Variants in CRAT observed in about 807,000 individuals in gnomAD.
The protein encoded by CRAT is carnitine O-acetyltransferase, also known as carnitine acetylase.
A neutral mutation model predicts 73.7 loss-of-function variants in CRAT; 66 were observed. The observed-to-expected ratio is 0.90, with a 90% CI of 0.73 to 1.10. The LOEUF (loss-of-function observed/expected upper bound fraction) is 1.10, where lower values mean the gene tolerates loss of function less well. CRAT is among the 50% of genes least tolerant of loss of function. The pLI, the probability that CRAT is intolerant of heterozygous loss-of-function variation, is 0.00. For synonymous variants in CRAT, 321 were observed against 343.2 expected, an observed-to-expected ratio of 0.94 and a Z score of 0.71; for missense variants, 745 against 846.9, an observed-to-expected ratio of 0.88 and a Z score of 1.49.
intron 8 of CRAT, 42 bp downstream of exon 8, chr9:129,099,824 C>G (rs747394259): frequency 1.1e-5 from 16 of 1,474,690 alleles, no homozygotes; most frequent in Admixed American, 6.8e-5. Context: ...TCACCTGTCA[C>G]TAGAAGCTGG....
chr9:129,105,570 C>A (rs1847966382), intron 2 of CRAT, among the ~76,000 whole-genome samples: 1 of 152,086 alleles, frequency 6.6e-6, no homozygotes, highest in Admixed American at 6.6e-5. Context: ...GATCCACCTG[C>A]CTCAGCTTCC....
rs1848001455 is a variant in CRAT, at chr9:129,106,125, A to G, written c.291+1689T>C. On this transcript the variant is annotated intron_variant, in intron 2 of 13. Transcript: ENST00000318080. The surrounding 1 kb of genome is among the most constrained non-coding windows in gnomAD (Gnocchi z 4.0). ...CAGCACTGGGCCACTAGCCTTTGGC[A>G]AGGGGTGAGGGGGAGGCAACTTGGC... Among the ~76,000 whole-genome samples the G allele has an allele frequency of 1.3e-5, 2 of 151,982 alleles. No individual in the cohort carries two copies.
In CRAT at chr9:129,104,310, G is replaced by A; in HGVS notation, c.292-4C>T. ...TCTTGAGCCACCACTCAGACAGCTGGGAAAAGTGCCAGAGCCTGTCAGGAG... is the reference window on the plus strand; with the variant it reads ...TCTTGAGCCACCACTCAGACAGCTGAGAAAAGTGCCAGAGCCTGTCAGGAG... On this transcript the variant is annotated splice_polypyrimidine_tract_variant and splice_region_variant and intron_variant, in intron 2 of 13. Transcript: ENST00000318080. 6.2e-7 allele frequency: 1 copy of A among 1,611,628 alleles called. No individual in the cohort carries two copies. The highest frequency in any genetic ancestry group is 2.2e-5 in the East Asian group (1 of 44,828).
rs1001104761 is a variant in CRAT, at chr9:129,103,971, C to G, written c.410+217G>C. On this transcript the variant is annotated intron_variant, in intron 3 of 13. Transcript: ENST00000318080. This position sits in a 1 kb window ranked among gnomAD's most constrained non-coding sequence, Gnocchi z 4.6. Reference sequence around the variant, plus strand: ...GGTTAACAGCCATGAGGCTTTAGAGCTGGAGAGACCCTGCTTCCTGAATGG... The same window carrying G: ...GGTTAACAGCCATGAGGCTTTAGAGGTGGAGAGACCCTGCTTCCTGAATGG... 6.6e-6 allele frequency among the ~76,000 whole-genome samples: 1 copy of G among 152,144 alleles called. No individual in the cohort carries two copies. Among genetic ancestry groups the G allele is most frequent in the South Asian group, 2.1e-4 (1 of 4,830 alleles).
At chr9:129,096,355 G>T (rs1189522121) in intron 12 of CRAT, among the ~76,000 whole-genome samples, 1 of 152,264 alleles carries the variant, frequency 6.6e-6, no homozygotes, top group Non-Finnish European at 1.5e-5. Flanking sequence ...GTGCAGGGTT[G>T]TAGGGCAGGG....
intron 1 of CRAT, 184 bp from the exon 2 acceptor site, chr9:129,108,261 T>G: frequency 6.4e-5 from 58 of 908,710 alleles, no homozygotes; most frequent in East Asian, 6.5e-5. Context: ...GGCCTGGAGA[T>G]GCAGGTAGGG....
chr9:129,100,640 G>A lies in CRAT; in HGVS notation c.855C>T (p.Thr285=), dbSNP rs745764628. The change falls in exon 7 of 14, where the codon ACC becomes ACT. Residue 285 remains threonine, a synonymous_variant. Transcript: ENST00000318080. ...TGGGCATGGTTGCATCTAGGCACAC[G>A]GTGAAGATGCTCTTCTGGATGGAGC... ...SVRSIQKSIF[T]VCLDATMPRV... 80 of 1,613,944 alleles carry A rather than the reference G, an allele frequency of 5.0e-5. No homozygotes were observed. Among genetic ancestry groups the A allele is most frequent in the African/African-American group, 4.0e-5 (3 of 74,944 alleles).
chr9:129,109,413 T>A lies in CRAT; in HGVS notation c.27+1070A>T. The stretch of plus-strand genomic sequence containing the variant: ...ATCTGAGCCATCCCTCTACGAACAC[T>A]CATTTTTTCCTGAGCTGTGGCTCAT... On this transcript the variant is annotated intron_variant, in intron 1 of 13. Transcript: ENST00000318080. The A allele has an allele frequency of 1.0e-5, 6 of 589,676 alleles. No homozygotes were observed. The South Asian group carries it at 1.1e-4, about 11-fold the overall frequency. The allele number at this position is 589,676 out of a possible 1,614,324, so 36.5% of individuals were successfully genotyped here. A position where few individuals can be genotyped will look rare whatever the true frequency, so the allele number is the denominator to read the frequency against.
chr9:129,105,162 C>T (rs1313032569), intron 2 of CRAT, among the ~76,000 whole-genome samples: 4 of 152,136 alleles, frequency 2.6e-5, no homozygotes, highest in African/African-American at 9.7e-5. Context: ...GCCTCGGCCT[C>T]CCAAAGTGCT....
chr9:129,101,367 G>A (rs762350488), intron 6 of CRAT, among the ~76,000 whole-genome samples: 7 of 152,188 alleles, frequency 4.6e-5, no homozygotes, highest in African/African-American at 7.2e-5. Flanking sequence ...AAGAGGCCAC[G>A]GAGGAGGAAA....
intron 6 of CRAT, among the ~76,000 whole-genome samples, chr9:129,101,592 T>C (rs931986613): frequency 1.3e-5 from 2 of 152,268 alleles, no homozygotes; most frequent in African/African-American, 4.8e-5. Context: ...GCTATTGCTA[T>C]AGATTATGCC....
intron 2 of CRAT, among the ~76,000 whole-genome samples, chr9:129,104,894 G>A (rs1396247397): frequency 8.8e-5 from 12 of 136,108 alleles, no homozygotes; most frequent in Non-Finnish European, 1.7e-4. Flanking sequence ...ATGAGCCACT[G>A]TGCCCGGTCT....
intron 1 of CRAT, chr9:129,109,304 C>CAG: frequency 7.7e-7 from 1 of 1,300,790 alleles, no homozygotes; most frequent in Non-Finnish European, 1.0e-6. Flanking sequence ...TGCAAGGGAG[C>CAG]AGACACCAGG....
chr9:129,102,376 T>C, intron 5 of CRAT, 24 bp downstream of exon 5: 1 of 1,613,686 alleles, frequency 6.2e-7, no homozygotes, highest in East Asian at 2.2e-5. Flanking sequence ...CCGGGGCTTG[T>C]AGGTGTGGGT....
Position 129,107,411 on chromosome 9 carries a change from A to T in CRAT, c.291+403T>A. On this transcript the variant is annotated intron_variant, in intron 2 of 13. Coordinates refer to ENST00000318080, the MANE Select transcript of CRAT (RefSeq NM_000755.5). This position sits in a 1 kb window ranked among gnomAD's most constrained non-coding sequence, Gnocchi z 5.0. ...AAACATTGGTGTAGACATATTTGCCAAACTGGGTACACCTGTGTCATAGAT... is the reference window on the plus strand; with the variant it reads ...AAACATTGGTGTAGACATATTTGCCTAACTGGGTACACCTGTGTCATAGAT... 5.2e-6 allele frequency: 3 copies of T among 577,268 alleles called. No individual in the cohort carries two copies. In the South Asian group the frequency reaches 6.7e-5, roughly 13 times the overall value. 35.8% of individuals were successfully genotyped at this position (577,268 alleles called of 1,614,324 possible).
At position 129,098,615 on chromosome 9, in the gene CRAT, G is replaced by A; in HGVS notation, c.1121C>T (p.Pro374Leu). The stretch of plus-strand genomic sequence containing the variant: ...CCGCAGCTTCTTGGGCATGGGCAGG[G>A]GCACCAGGGGAGACCGCACAAGCTC... Reference protein sequence around the residue: ...KPELVRSPLVPLPMPKKLRFN... With the variant: ...KPELVRSPLVLLPMPKKLRFN... The change falls in exon 9 of 14, where the codon CCC becomes CTC. Residue 374 changes from proline to leucine, a missense_variant. Coordinates refer to ENST00000318080, the MANE Select transcript of CRAT (RefSeq NM_000755.5). The A allele has an allele frequency of 6.2e-7, 1 of 1,600,518 alleles. No individual in the cohort carries two copies. The highest frequency in any genetic ancestry group is 1.1e-5 in the South Asian group (1 of 88,924).
At chr9:129,097,798 C>T in intron 11 of CRAT, 1 of 649,310 alleles carries the variant, frequency 1.5e-6, no homozygotes. Flanking sequence ...TTGCTTACTG[C>T]CAATGAATAA....
chr9:129,100,406 A>T, intron 7 of CRAT, 105 bp downstream of exon 7: 1 of 1,340,898 alleles, frequency 7.5e-7, no homozygotes, highest in Non-Finnish European at 1.0e-6. Flanking sequence ...CTGCTTTACA[A>T]GCTAGGAGGC....
chr9:129,098,326 A>G lies in CRAT; in HGVS notation c.1251T>C (p.Phe417=). The change falls in exon 10 of 14, where the codon TTT becomes TTC. Residue 417 remains phenylalanine (F), a synonymous_variant. Coordinates refer to ENST00000318080, the MANE Select transcript of CRAT (RefSeq NM_000755.5). The stretch of plus-strand genomic sequence containing the variant: ...TCTCCGACTTGGGGAAGTCTTTTCC[A>G]AAATGGTGGAACACCATCACGGTGA... ...LDITVMVFHH[F]GKDFPKSEKL... is the part of the protein sequence containing the mutation. 6.2e-7 allele frequency: 1 copy of G among 1,613,978 alleles called. No individual in the cohort carries two copies. The highest frequency in any genetic ancestry group is 8.5e-7 in the Non-Finnish European group (1 of 1,180,034).
Sources: allele counts gnomAD v4.1 joint callset (sites outside exome capture counted in the v4.1 genomes callset), GRCh38; gene constraint gnomAD v4.1.1; non-coding constraint Gnocchi (gnomAD v3.1); transcripts MANE v1.5; gene names NCBI Gene and HGNC (gene_info 2026-07-23, HGNC 2026-07-21).